CEP112: variants seen among roughly 807,000 people sequenced by gnomAD.
CEP112 encodes the protein centrosomal protein 112.
In CEP112, 127 loss-of-function variants were observed where a neutral mutation model predicts 153.0. The observed-to-expected ratio is 0.83, with a 90% confidence interval of 0.72 to 0.96. The LOEUF is 0.96. Among genes scored for constraint, CEP112 ranks in the 40% least tolerant of loss-of-function variants. CEP112 has a pLI of 0.00. For synonymous variants in CEP112, 358 were observed against 374.4 expected (o/e 0.96, Z 0.51); for missense variants, 1,089 against 1,101.2 (o/e 0.99, Z 0.16).
At chr17:66,055,545 T>A (rs1313937196) in intron 11 of CEP112, among the ~76,000 whole-genome samples, 5 of 152,130 alleles carry the variant, frequency 3.3e-5, no homozygotes, top group African/African-American at 1.2e-4. Context: ...ACTTAGAATT[T>A]TACAGTTGTA....
intron 8 of CEP112, among the ~76,000 whole-genome samples, chr17:66,072,586 G>A (rs914790213): frequency 2.0e-5 from 3 of 152,180 alleles, no homozygotes; most frequent in African/African-American, 7.2e-5. Context: ...TGACACTAAA[G>A]TGATACTGTG....
intron 23 of CEP112, among the ~76,000 whole-genome samples, chr17:65,692,662 T>A (rs1369035598): frequency 6.6e-6 from 1 of 152,242 alleles, no homozygotes; most frequent in African/African-American, 2.4e-5. Flanking sequence ...CTCTGCTCAA[T>A]GATGTAATTG....
intron 20 of CEP112, among the ~76,000 whole-genome samples, chr17:65,859,852 CAAAAAAA>C (rs573790538): frequency 1.0e-5 from 1 of 100,360 alleles, no homozygotes; most frequent in Admixed American, 1.1e-4. Flanking sequence ...ACTAAAAATA[CAAAAAAA>C]AAAAAAAAAA....
intron 23 of CEP112, among the ~76,000 whole-genome samples, chr17:65,698,433 T>A (rs941391266): frequency 6.6e-6 from 1 of 152,208 alleles, no homozygotes; most frequent in African/African-American, 2.4e-5. Flanking sequence ...CCTAAAGGAC[T>A]TCCTTTAAAG....
At chr17:66,040,475 T>A (rs989701630) in intron 12 of CEP112, among the ~76,000 whole-genome samples, 1 of 147,400 alleles carries the variant, frequency 6.8e-6, no homozygotes, top group Non-Finnish European at 1.5e-5. Flanking sequence ...CCATTCTGAA[T>A]TGCCTTTTCC....
chr17:65,970,215 G>GT (rs1360391388), intron 17 of CEP112, among the ~76,000 whole-genome samples: 6 of 114,236 alleles, frequency 5.3e-5, no homozygotes, highest in Non-Finnish European at 9.2e-5. Context: ...TGTCATGCAT[G>GT]CATATACCAT....
At chr17:66,106,241 A>G (rs771060422) in intron 6 of CEP112, among the ~76,000 whole-genome samples, 1 of 152,148 alleles carries the variant, frequency 6.6e-6, no homozygotes, top group South Asian at 2.1e-4. Flanking sequence ...GATACATCTT[A>G]AAGAATTAGA....
At chr17:65,707,126 G>A (rs1188713483) in intron 23 of CEP112, among the ~76,000 whole-genome samples, 2 of 151,818 alleles carry the variant, frequency 1.3e-5, no homozygotes, top group Admixed American at 1.3e-4. Context: ...CCATTCCTCC[G>A]GGCTCCCCTC....
At chr17:65,816,388 C>G (rs1475031295) in intron 21 of CEP112, among the ~76,000 whole-genome samples, 3 of 151,902 alleles carry the variant, frequency 2.0e-5, no homozygotes, top group Admixed American at 1.3e-4. Flanking sequence ...GCACCCATCA[C>G]CTGAGCAGTA....
chr17:65,902,382 G>A (rs766926443), intron 19 of CEP112, 48 bp from the exon 20 acceptor site: 18 of 1,519,704 alleles, frequency 1.2e-5, no homozygotes, highest in East Asian at 4.6e-5. Flanking sequence ...CATCCTTGTC[G>A]TCATGACAAC....
intron 24 of CEP112, among the ~76,000 whole-genome samples, chr17:65,681,548 T>C (rs1273639738): frequency 6.6e-6 from 1 of 150,380 alleles, no homozygotes; most frequent in Non-Finnish European, 1.5e-5. Context: ...GGATGCAACA[T>C]CTAAAAAAAT....
intron 23 of CEP112, among the ~76,000 whole-genome samples, chr17:65,698,011 A>G (rs939252228): frequency 2.0e-5 from 3 of 152,036 alleles, no homozygotes; most frequent in Non-Finnish European, 4.4e-5. Context: ...ACATCCAAGC[A>G]ACACTTATTT....
At chr17:66,115,484 A>G (rs753155470) in intron 6 of CEP112, among the ~76,000 whole-genome samples, 1 of 152,208 alleles carries the variant, frequency 6.6e-6, no homozygotes, top group Non-Finnish European at 1.5e-5. Flanking sequence ...AGTCCCATAG[A>G]CAGTTCTTTC....
At chr17:65,739,735 CA>C (rs202185094) in intron 23 of CEP112, among the ~76,000 whole-genome samples, 62 of 142,160 alleles carry the variant, frequency 4.4e-4, no homozygotes, top group Non-Finnish European at 4.3e-4. Context: ...GACTCCATCT[CA>C]AAAAAAAAAA....
At chr17:65,919,500 T>C (rs2060624324) in intron 19 of CEP112, among the ~76,000 whole-genome samples, 1 of 152,180 alleles carries the variant, frequency 6.6e-6, no homozygotes, top group East Asian at 1.9e-4. Context: ...CACTTCCATT[T>C]GAATGGCAAC....
intron 24 of CEP112, among the ~76,000 whole-genome samples, chr17:65,667,007 A>C (rs1284402941): frequency 1.3e-5 from 2 of 152,160 alleles, no homozygotes; most frequent in Admixed American, 1.3e-4. Flanking sequence ...TCAGAGGAGT[A>C]TTTGAAAAAT....
At chr17:65,697,245 G>A (rs1258949618) in intron 23 of CEP112, among the ~76,000 whole-genome samples, 1 of 152,162 alleles carries the variant, frequency 6.6e-6, no homozygotes, top group Non-Finnish European at 1.5e-5. Flanking sequence ...CGTGATGCCT[G>A]AGCTGTGACT....
intron 20 of CEP112, among the ~76,000 whole-genome samples, chr17:65,857,012 G>C (rs1313620455): frequency 6.6e-6 from 1 of 152,190 alleles, no homozygotes; most frequent in African/African-American, 2.4e-5. Flanking sequence ...ATATTGCAAT[G>C]AAGTGAATAC....
chr17:65,724,718 T>C (rs998659089), intron 23 of CEP112, among the ~76,000 whole-genome samples: 2 of 152,228 alleles, frequency 1.3e-5, no homozygotes, highest in Admixed American at 6.5e-5. Context: ...GGCACAATAG[T>C]GTCCGAAAGA....
Sources: gnomAD v4.1 joint callset for allele counts (sites outside exome capture counted in the v4.1 genomes callset) on GRCh38, gnomAD v4.1.1 for gene constraint, MANE v1.5 for transcripts, NCBI Gene and HGNC (gene_info 2026-07-23, HGNC 2026-07-21) for gene names.